Variants in MCF2L observed in about 807,000 individuals in gnomAD.
MCF2L encodes the protein guanine nucleotide exchange factor DBS.
A neutral mutation model predicts 153.4 loss-of-function variants in MCF2L; 97 were observed. The ratio of observed to expected loss-of-function variants is 0.63; its 90% CI spans 0.54 to 0.75. The LOEUF is 0.75. Ranked by LOEUF, MCF2L falls within the 30% of genes least tolerant of loss-of-function variation. The probability of loss-of-function intolerance (pLI) is 0.00; values close to 1 mark genes in which losing one functional copy is unlikely to be tolerated. For missense variants in MCF2L, 1,347 were observed against 1,495.2 expected (o/e 0.90, Z 1.64); for synonymous variants, 659 against 632.2 (o/e 1.04, Z -0.64).
chr13:113,090,866 T>A, intron 26 of MCF2L: 1 of 1,157,508 alleles, frequency 8.6e-7, no homozygotes, highest in Non-Finnish European at 1.1e-6. Context: ...TAAGAAAACG[T>A]CCCTAGAGAC....
At position 113,070,356 on chromosome 13, in the gene MCF2L, C is replaced by T. The variant is rs1258853499; in HGVS notation, c.996+183C>T. The T allele has an allele frequency of 1.3e-5, 6 of 462,678 alleles. No homozygotes were observed. The highest frequency in any genetic ancestry group is 4.4e-5 in the Admixed American group (1 of 22,520). 28.7% of individuals were successfully genotyped at this position (462,678 alleles called of 1,614,324 possible). ...AAGTCAGGCTGAGCCTTGAAATGCA[C>T]GATTGATGACTGCGTCATTGTATAG... On this transcript the variant is annotated intron_variant, in intron 9 of 29. Transcript: ENST00000535094. This position sits in a 1 kb window ranked among gnomAD's most constrained non-coding sequence, Gnocchi z 5.6.
chr13:112,986,892 C>T (rs2082667471), intron 1 of MCF2L, among the ~76,000 whole-genome samples: 1 of 152,258 alleles, frequency 6.6e-6, no homozygotes, highest in African/African-American at 2.4e-5. Flanking sequence ...TGTGGGGATG[C>T]CTCAAGGGTG....
At position 113,001,636 on chromosome 13, in the gene MCF2L, C is replaced by T. The variant is rs1185880394; in HGVS notation, c.80-13127C>T. 36 of 1,270,488 alleles carry T rather than the reference C, an allele frequency of 2.8e-5. No individual in the cohort carries two copies. In the East Asian group the frequency reaches 2.9e-4, roughly 10 times the overall value. The allele number at this position is 1,270,488 out of a possible 1,614,324, so 78.7% of individuals were successfully genotyped here. A position where few individuals can be genotyped will look rare whatever the true frequency, so the allele number is the denominator to read the frequency against. The stretch of plus-strand genomic sequence containing the variant: ...ACCAGGAACCTGAAGCCTCCCTGGC[C>T]GGGGCTCAGCTGTCGCCAGGATCGC... On this transcript the variant is annotated intron_variant, in intron 1 of 29. Transcript: ENST00000535094.
chr13:113,094,548 T>G lies in MCF2L; in HGVS notation c.2988T>G (p.Pro996=). ...AAACGTCCCACTCACTGGAGGCACC[T>G]GAGGACGACGGGGGCTGGTCAAGTG... ...WSKTSHSLEA[P]EDDGGWSSAE... is the part of the protein sequence containing the mutation. The change falls in exon 27 of 30, where the codon CCT becomes CCG. Residue 996 remains proline, a synonymous_variant. Transcript: ENST00000535094. 6.2e-7 allele frequency: 1 copy of G among 1,612,542 alleles called. No individual in the cohort carries two copies.
At position 113,087,215 on chromosome 13, in the gene MCF2L, C is replaced by A; in HGVS notation, c.2374-20C>A. On this transcript the variant is annotated intron_variant, in intron 21 of 29. Transcript: ENST00000535094. The stretch of plus-strand genomic sequence containing the variant: ...CAGGCCCATCCCGTCCTGAACACAG[C>A]CCTGCTGTCGCACATTTAGGGGAAT... 1 of 1,604,078 alleles carries A rather than the reference C, an allele frequency of 6.2e-7. No individual in the cohort carries two copies. Among genetic ancestry groups the A allele is most frequent in the Non-Finnish European group, 8.5e-7 (1 of 1,174,290 alleles).
At chr13:112,916,998 C>G (rs2081299169) in intron 2 of MCF2L, 1 of 456,182 alleles carries the variant, frequency 2.2e-6, no homozygotes, top group South Asian at 1.6e-5. Flanking sequence ...TCTTCCCACT[C>G]CAGGGCAGTC....
In MCF2L at chr13:113,090,024, G is replaced by A. The variant is rs779518207; in HGVS notation, c.2953+296G>A. ...CGACAGCCGGACCCGCCTCCGCATC[G>A]GGTTGCGATGCCCTCTGCATAGTTT... On this transcript the variant is annotated intron_variant, in intron 26 of 29. Coordinates refer to ENST00000535094, the MANE Select transcript of MCF2L (RefSeq NM_001112732.3). 1.1e-5 allele frequency: 17 copies of A among 1,597,684 alleles called. 1 individual carries two copies. Among genetic ancestry groups the A allele is most frequent in the South Asian group, 4.4e-5 (4 of 90,088 alleles).
chr13:113,058,870 C>A (rs1299249699), intron 4 of MCF2L, among the ~76,000 whole-genome samples: 3 of 102,500 alleles, frequency 2.9e-5, no homozygotes, highest in Non-Finnish European at 6.1e-5. Flanking sequence ...GATGTGTGGG[C>A]GCTGTGTATT....
intron 3 of MCF2L, among the ~76,000 whole-genome samples, chr13:113,033,359 G>GCCCCCGTGA (rs1566773372): frequency 2.7e-4 from 7 of 26,026 alleles, no homozygotes; most frequent in African/African-American, 8.0e-4. Context: ...GGACCCCGTG[G>GCCCCCGTGA]CGTGAGTGGC....
chr13:113,053,605 C>G lies in MCF2L; in HGVS notation c.370-6988C>G, dbSNP rs962860522. ...TCAGTGGGTCATGTGTGGTGATGCT[C>G]AGGACGGGGCGAAGGTCCCGTGGCT... On this transcript the variant is annotated intron_variant, in intron 4 of 29. Transcript: ENST00000535094. This position sits in a 1 kb window ranked among gnomAD's most constrained non-coding sequence, Gnocchi z 4.4. 4.6e-5 allele frequency among the ~76,000 whole-genome samples: 7 copies of G among 152,174 alleles called. No homozygotes were observed. The highest frequency in any genetic ancestry group is 7.3e-5 in the Non-Finnish European group (5 of 68,028).
chr13:112,903,796 G>T (rs866607628), intron 2 of MCF2L, among the ~76,000 whole-genome samples: 1 of 152,168 alleles, frequency 6.6e-6, no homozygotes, highest in Non-Finnish European at 1.5e-5. Context: ...CTGGCACACC[G>T]CCTGCTTCTC....
At chr13:112,985,454 C>T (rs1566690521) in intron 1 of MCF2L, 1 of 471,126 alleles carries the variant, frequency 2.1e-6, no homozygotes, top group Non-Finnish European at 4.4e-6. Context: ...CTGAGTGGTG[C>T]TCCTGGCTGC....
intron 4 of MCF2L, among the ~76,000 whole-genome samples, chr13:113,056,948 CTG>C (rs139796677): frequency 1.2e-3 from 119 of 100,758 alleles, no homozygotes; most frequent in African/African-American, 5.8e-3. Flanking sequence ...TGAGTGGGTG[CTG>C]TGTGTTTGGG....
At chr13:112,985,266 C>A (rs2082587783) in intron 1 of MCF2L, 2 of 389,370 alleles carry the variant, frequency 5.1e-6, no homozygotes, top group East Asian at 7.4e-5. Flanking sequence ...AAAAAGCCAG[C>A]TGGTCCCTCA....
chr13:112,968,390 G>A, upstream of MCF2L: 1 of 1,531,784 alleles, frequency 6.5e-7, no homozygotes, highest in Non-Finnish European at 8.7e-7. Flanking sequence ...GCCCTGCATA[G>A]ACACGAGCTG....
Position 113,031,950 on chromosome 13 carries a change from CCA to C in MCF2L, c.278+7198_278+7199del, listed in dbSNP as rs1248364769. On this transcript the variant is annotated intron_variant, in intron 3 of 29. Transcript: ENST00000535094. This position sits in a 1 kb window ranked among gnomAD's most constrained non-coding sequence, Gnocchi z 5.5. Reference sequence around the variant, plus strand: ...CATACACAGATGTGCATGTGTATAACCACACACGTGCGCACACACACACATGC... The same window carrying C: ...CATACACAGATGTGCATGTGTATAACCACACGTGCGCACACACACACATGC... Among the ~76,000 whole-genome samples, 1 of 152,040 alleles carries C rather than the reference CCA, an allele frequency of 6.6e-6. No homozygotes were observed. The highest frequency in any genetic ancestry group is 1.5e-5 in the Non-Finnish European group (1 of 68,002).
intron 5 of MCF2L, among the ~76,000 whole-genome samples, chr13:113,061,916 C>T (rs1421599857): frequency 1.8e-5 from 2 of 113,930 alleles, no homozygotes; most frequent in African/African-American, 7.1e-5. Context: ...CTACCCAAGA[C>T]AGCCCTGGGG....
chr13:113,014,200 G>T (rs960370797), intron 1 of MCF2L, among the ~76,000 whole-genome samples: 3 of 152,192 alleles, frequency 2.0e-5, no homozygotes, highest in Admixed American at 6.5e-5. Flanking sequence ...GGGTGTGGGG[G>T]TCGACCCTGC....
intron 1 of MCF2L, among the ~76,000 whole-genome samples, chr13:112,894,601 C>T (rs1024714344): frequency 5.9e-5 from 9 of 152,158 alleles, no homozygotes; most frequent in Admixed American, 5.9e-4. Context: ...TCAGGGCGGC[C>T]TGGGATCGGC....
Sources: allele counts gnomAD v4.1 joint callset (sites outside exome capture counted in the v4.1 genomes callset), GRCh38; gene constraint gnomAD v4.1.1; non-coding constraint Gnocchi (gnomAD v3.1); transcripts MANE v1.5; gene names NCBI Gene and HGNC (gene_info 2026-07-23, HGNC 2026-07-21).